The following MYO1D variants were observed in gnomAD, a reference collection of about 807,000 sequenced individuals.
MYO1D encodes the protein unconventional myosin-Id.
In MYO1D, 83 loss-of-function variants were observed where a neutral mutation model predicts 122.0. The observed-to-expected ratio is 0.68, with a 90% CI of 0.57 to 0.82. MYO1D has a LOEUF of 0.82. MYO1D is among the 40% of genes least tolerant of loss of function. MYO1D has a pLI of 0.00. For synonymous variants in MYO1D, 464 were observed against 446.9 expected, an observed-to-expected ratio of 1.04 and a Z score of -0.48; for missense variants, 1,157 against 1,269.5, an observed-to-expected ratio of 0.91 and a Z score of 1.35.
chr17:32,623,318 T>G (rs2150927012), intron 20 of MYO1D, among the ~76,000 whole-genome samples: 1 of 152,330 alleles, frequency 6.6e-6, no homozygotes, highest in South Asian at 2.1e-4. Context: ...TCGTAACAAT[T>G]CTGTGTAAAG....
intron 19 of MYO1D, among the ~76,000 whole-genome samples, chr17:32,652,757 T>C (rs1012344581): frequency 5.3e-5 from 8 of 152,156 alleles, no homozygotes; most frequent in African/African-American, 1.7e-4. Context: ...TCATAGCAGG[T>C]AACTTTTCCC....
intron 20 of MYO1D, among the ~76,000 whole-genome samples, chr17:32,617,320 C>A (rs183476502): frequency 4.2e-4 from 64 of 152,194 alleles, no homozygotes; most frequent in Non-Finnish European, 7.2e-4. Flanking sequence ...AGGTGTCAGT[C>A]ACCTCAGTGA....
chr17:32,760,834 T>C (rs1191952199), intron 8 of MYO1D, among the ~76,000 whole-genome samples: 1 of 152,216 alleles, frequency 6.6e-6, no homozygotes, highest in African/African-American at 2.4e-5. Flanking sequence ...ATAGCTTGTA[T>C]TTTTAAAAGA....
intron 21 of MYO1D, among the ~76,000 whole-genome samples, chr17:32,566,800 TG>T (rs1260209747): frequency 1.3e-5 from 1 of 77,244 alleles, no homozygotes; most frequent in Non-Finnish European, 2.6e-5. Context: ...AAAAGCAACT[TG>T]TAAAAGCTTC....
chr17:32,642,836 GGGTTTTCTA>G (rs1377313028), intron 19 of MYO1D, among the ~76,000 whole-genome samples: 1 of 152,098 alleles, frequency 6.6e-6, no homozygotes, highest in African/African-American at 2.4e-5. Context: ...TGAGACCATG[GGGTTTTCTA>G]GATATACAAT....
chr17:32,528,597 C>T (rs571483969), intron 21 of MYO1D, among the ~76,000 whole-genome samples: 1 of 152,192 alleles, frequency 6.6e-6, no homozygotes, highest in East Asian at 1.9e-4. Context: ...AAAAGGCCTG[C>T]AGATGGGATT....
At chr17:32,560,011 C>T (rs2087103308) in intron 21 of MYO1D, among the ~76,000 whole-genome samples, 2 of 152,140 alleles carry the variant, frequency 1.3e-5, no homozygotes, top group South Asian at 2.1e-4. Context: ...AATCCCAGCA[C>T]TTTGGGAGGC....
chr17:32,547,461 T>G (rs1452460049), intron 21 of MYO1D, among the ~76,000 whole-genome samples: 4 of 152,260 alleles, frequency 2.6e-5, no homozygotes, highest in African/African-American at 9.6e-5. Context: ...GCCACGCTTT[T>G]CCATATGCAT....
At chr17:32,540,057 GAA>G (rs1171050530) in intron 21 of MYO1D, among the ~76,000 whole-genome samples, 1 of 151,920 alleles carries the variant, frequency 6.6e-6, no homozygotes, top group Non-Finnish European at 1.5e-5. Context: ...CCAAAAAAAA[GAA>G]AAGAGGCCGG....
intron 1 of MYO1D, among the ~76,000 whole-genome samples, chr17:32,782,696 G>A (rs1477751080): frequency 6.6e-6 from 1 of 152,174 alleles, no homozygotes; most frequent in Non-Finnish European, 1.5e-5. Context: ...AGCACTCTGG[G>A]AGGCCAAGGC....
intron 21 of MYO1D, among the ~76,000 whole-genome samples, chr17:32,507,191 A>G (rs1909529846): frequency 6.6e-6 from 1 of 152,118 alleles, no homozygotes; most frequent in Non-Finnish European, 1.5e-5. Context: ...GCTTGAGCCC[A>G]GAAGTTCAAG....
chr17:32,676,054 CT>C lies in MYO1D; in HGVS notation c.2122-16717del, dbSNP rs1032234072. Among the ~76,000 whole-genome samples the C allele has an allele frequency of 2.0e-5, 3 of 151,936 alleles. No individual in the cohort carries two copies. In the East Asian group the frequency reaches 5.8e-4, roughly 29 times the overall value. On this transcript the variant is annotated intron_variant, in intron 16 of 21. Transcript: ENST00000318217. ...TTGTGAGATATTTCTGATGTTTTCT[CT>C]TTTTTTTGGAGTGATATATGCAGTA...
intron 16 of MYO1D, among the ~76,000 whole-genome samples, chr17:32,660,013 G>A (rs1401034810): frequency 6.6e-6 from 1 of 151,996 alleles, no homozygotes; most frequent in Non-Finnish European, 1.5e-5. Flanking sequence ...AGGATCCTTT[G>A]TCAGGTACCC....
In MYO1D at chr17:32,876,853, A is replaced by G. The variant is rs767962715; in HGVS notation, c.20T>C (p.Leu7Pro). The G allele has an allele frequency of 6.6e-7, 1 of 1,510,878 alleles. No individual in the cohort carries two copies. Among genetic ancestry groups the G allele is most frequent in the Non-Finnish European group, 8.9e-7 (1 of 1,128,658 alleles). The allele number at this position is 1,510,878 out of a possible 1,614,324, so 93.6% of individuals were successfully genotyped here. A position where few individuals can be genotyped will look rare whatever the true frequency, so the allele number is the denominator to read the frequency against. Residue 7 changes from leucine (L) to proline (P), a missense_variant, in exon 1 of 22, where the codon CTG (leucine) becomes CCG (proline). Physicochemically the swap from Leu to Pro is moderately conservative, Grantham distance 98. Transcript: ENST00000318217. ...CACGAAGTCTGCCTTGCCGAATTCCAGGCTCTCCTGCTCCGCCATGGCGCC... is the reference window on the plus strand; with the variant it reads ...CACGAAGTCTGCCTTGCCGAATTCCGGGCTCTCCTGCTCCGCCATGGCGCC... MAEQESLEFGKADFVLM... is the reference protein window; with the variant it reads MAEQESPEFGKADFVLM...
At chr17:32,786,448 G>A (rs1442730224) in intron 1 of MYO1D, among the ~76,000 whole-genome samples, 1 of 152,246 alleles carries the variant, frequency 6.6e-6, no homozygotes, top group East Asian at 1.9e-4. Flanking sequence ...CAGTTGGTGA[G>A]ACAGGGAATG....
intron 1 of MYO1D, among the ~76,000 whole-genome samples, chr17:32,858,977 G>A (rs1388704036): frequency 6.6e-6 from 1 of 152,090 alleles, no homozygotes; most frequent in Admixed American, 6.5e-5. Context: ...GGCTCACCTT[G>A]TATTAATATT....
intron 20 of MYO1D, among the ~76,000 whole-genome samples, chr17:32,606,454 T>C (rs1003467522): frequency 2.6e-5 from 4 of 152,096 alleles, no homozygotes; most frequent in African/African-American, 9.7e-5. Flanking sequence ...GTCAAGAAAA[T>C]ATTAGCAAAT....
chr17:32,518,600 AC>A (rs1050660022), intron 21 of MYO1D: 11 of 152,230 alleles, frequency 7.2e-5, no homozygotes, highest in African/African-American at 2.4e-4. Flanking sequence ...CTCATGAGCA[AC>A]CACAGTCCCA....
chr17:32,534,421 T>C (rs980355591), intron 21 of MYO1D, among the ~76,000 whole-genome samples: 2 of 152,120 alleles, frequency 1.3e-5, no homozygotes, highest in Non-Finnish European at 2.9e-5. Context: ...GATTCTCCCA[T>C]CTCAGCTTCA....
Sources: allele counts gnomAD v4.1 joint callset (sites outside exome capture counted in the v4.1 genomes callset), GRCh38; gene constraint gnomAD v4.1.1; transcripts MANE v1.5; gene names NCBI Gene and HGNC (gene_info 2026-07-23, HGNC 2026-07-21).